The following SORCS1 variants were observed in gnomAD, a reference collection of about 807,000 sequenced individuals.
SORCS1 encodes VPS10 domain-containing receptor SorCS1.
SORCS1 carries 60 observed loss-of-function variants against 146.1 expected under a neutral mutation model. The ratio of observed to expected loss-of-function variants is 0.41; its 90% CI spans 0.33 to 0.51. SORCS1 has a LOEUF of 0.51. SORCS1 is among the 20% of genes least tolerant of loss of function. SORCS1 has a pLI of 0.21. For missense variants in SORCS1, 1,352 were observed against 1,487.6 expected (o/e 0.91, Z 1.50); for synonymous variants, 637 against 584.0 (o/e 1.09, Z -1.31).
intron 1 of SORCS1, among the ~76,000 whole-genome samples, chr10:107,054,491 A>C (rs1960410804): frequency 6.6e-6 from 1 of 152,212 alleles, no homozygotes; most frequent in African/African-American, 2.4e-5. Flanking sequence ...CCTATGTGAC[A>C]GAAAAGAGCT....
intron 1 of SORCS1, among the ~76,000 whole-genome samples, chr10:107,128,250 GT>G (rs1966821571): frequency 6.6e-6 from 1 of 152,150 alleles, no homozygotes. Flanking sequence ...CCTAAATCAT[GT>G]TCTTCATGAG....
intron 1 of SORCS1, among the ~76,000 whole-genome samples, chr10:107,044,795 G>C (rs900364023): frequency 2.2e-5 from 3 of 133,340 alleles, no homozygotes; most frequent in African/African-American, 8.5e-5. Context: ...CTGGGAGACA[G>C]AGTGAGATTG....
chr10:107,005,574 A>C (rs1957406340), intron 1 of SORCS1, among the ~76,000 whole-genome samples: 1 of 152,212 alleles, frequency 6.6e-6, no homozygotes, highest in East Asian at 1.9e-4. Flanking sequence ...TTCCATATGA[A>C]TACCTACATA....
chr10:106,742,386 AAT>A (rs1491365799), intron 5 of SORCS1, among the ~76,000 whole-genome samples: 1 of 122,864 alleles, frequency 8.1e-6, no homozygotes, highest in Non-Finnish European at 1.5e-5. Context: ...AATTTTACAC[AAT>A]TTTTTTTTTG....
intron 18 of SORCS1, among the ~76,000 whole-genome samples, chr10:106,647,982 C>T (rs1051971871): frequency 2.0e-5 from 3 of 152,096 alleles, no homozygotes; most frequent in Non-Finnish European, 4.4e-5. Context: ...ATTCTCTCAC[C>T]TTAGCCTCCC....
At chr10:107,070,428 CTCTT>C (rs1474188191) in intron 1 of SORCS1, among the ~76,000 whole-genome samples, 2 of 152,144 alleles carry the variant, frequency 1.3e-5, no homozygotes, top group Non-Finnish European at 2.9e-5. Context: ...ACTTAATGGT[CTCTT>C]TCTGCACTAT....
chr10:107,071,474 G>T (rs929241455), intron 1 of SORCS1, among the ~76,000 whole-genome samples: 1 of 152,188 alleles, frequency 6.6e-6, no homozygotes, highest in African/African-American at 2.4e-5. Flanking sequence ...GAGGACACCT[G>T]CCTGCATTAT....
At chr10:106,848,049 A>G (rs1484176456) in intron 2 of SORCS1, among the ~76,000 whole-genome samples, 1 of 122,630 alleles carries the variant, frequency 8.2e-6, no homozygotes, top group African/African-American at 3.1e-5. Context: ...TGCTGAAAAA[A>G]ATGTATATTC....
intron 3 of SORCS1, among the ~76,000 whole-genome samples, chr10:106,789,458 G>A (rs1356474153): frequency 2.0e-5 from 3 of 152,154 alleles, no homozygotes; most frequent in Non-Finnish European, 4.4e-5. Context: ...TCTTCTGCCA[G>A]ATACCCTAAA....
intron 3 of SORCS1, among the ~76,000 whole-genome samples, chr10:106,779,547 A>ATTTTT (rs11357093): frequency 1.2e-5 from 1 of 84,840 alleles, no homozygotes; most frequent in African/African-American, 3.8e-5. Flanking sequence ...TATGGCCCAT[A>ATTTTT]TTTTTTTTTT....
At chr10:106,687,059 T>C (rs1235955024) in intron 10 of SORCS1, among the ~76,000 whole-genome samples, 1 of 152,192 alleles carries the variant, frequency 6.6e-6, no homozygotes, top group African/African-American at 2.4e-5. Flanking sequence ...AGACACAACT[T>C]CTGAAGTGTT....
chr10:106,906,012 T>C (rs1951894154), intron 2 of SORCS1, among the ~76,000 whole-genome samples: 1 of 152,250 alleles, frequency 6.6e-6, no homozygotes, highest in Admixed American at 6.5e-5. Flanking sequence ...CAACACTCTT[T>C]CATCCTTTGG....
intron 1 of SORCS1, among the ~76,000 whole-genome samples, chr10:107,145,472 A>G (rs1968244464): frequency 6.6e-6 from 1 of 152,244 alleles, no homozygotes; most frequent in Non-Finnish European, 1.5e-5. Context: ...CTGCATTTTA[A>G]GAAAGTCTGT....
At chr10:106,831,842 T>C (rs1397398979) in intron 2 of SORCS1, among the ~76,000 whole-genome samples, 3 of 152,296 alleles carry the variant, frequency 2.0e-5, no homozygotes, top group Non-Finnish European at 1.5e-5. Context: ...GAAAGAACTA[T>C]GAACCTTGAA....
At position 107,164,694 on chromosome 10, in the gene SORCS1, G is replaced by A. The variant is rs938664298; in HGVS notation, c.-168C>T. On this transcript the variant is annotated 5_prime_UTR_variant, in exon 1 of 26. Coordinates refer to ENST00000263054, the MANE Select transcript of SORCS1 (RefSeq NM_052918.5). This position sits in a 1 kb window ranked among gnomAD's most constrained non-coding sequence, Gnocchi z 6.8. ...CCGGGCAGGTGGCGGCCGCTTGCCC[G>A]GGCTGGGCTTGTGCCGAGCGCGGGT... Among the ~76,000 whole-genome samples, 3 of 150,692 alleles carry A rather than the reference G, an allele frequency of 2.0e-5. No individual in the cohort carries two copies. The highest frequency in any genetic ancestry group is 2.1e-4 in the South Asian group (1 of 4,814).
intron 1 of SORCS1, among the ~76,000 whole-genome samples, chr10:107,044,814 TAA>T (rs71025575): frequency 7.5e-4 from 68 of 90,258 alleles, no homozygotes; most frequent in South Asian, 1.6e-3. Context: ...TGTGTCTCAA[TAA>T]AAAAAAAAAA....
intron 5 of SORCS1, among the ~76,000 whole-genome samples, chr10:106,748,121 C>A (rs1163077775): frequency 6.6e-6 from 1 of 152,010 alleles, no homozygotes; most frequent in Non-Finnish European, 1.5e-5. Flanking sequence ...GATTGCACTT[C>A]TTTTTATTGC....
rs533719412 is a variant in SORCS1, at chr10:107,020,090, C to A, written c.559-63510G>T. On this transcript the variant is annotated intron_variant, in intron 1 of 25. Transcript: ENST00000263054. ...AAGGCAATGACCTCTGAGATGAAGT[C>A]AATTTGGGATAAGTGCTTTTACCTC... Among the ~76,000 whole-genome samples the A allele has an allele frequency of 8.5e-5, 13 of 152,328 alleles. No individual in the cohort carries two copies. In the East Asian group the frequency reaches 2.3e-3, roughly 27 times the overall value.
chr10:107,074,142 T>C (rs144148992), intron 1 of SORCS1, among the ~76,000 whole-genome samples: 1 of 152,304 alleles, frequency 6.6e-6, no homozygotes, highest in African/African-American at 2.4e-5. Context: ...TCCACCATTA[T>C]AACATACGAA....
Sources: gnomAD v4.1 joint callset for allele counts (sites outside exome capture counted in the v4.1 genomes callset) on GRCh38, gnomAD v4.1.1 for gene constraint, Gnocchi (gnomAD v3.1) non-coding constraint, MANE v1.5 for transcripts, NCBI Gene and HGNC (gene_info 2026-07-23, HGNC 2026-07-21) for gene names.